The following DENND4C variants were observed in gnomAD, a reference collection of about 807,000 sequenced individuals.
DENND4C encodes DENN domain-containing protein 4C.
DENND4C carries 108 observed loss-of-function variants against 203.0 expected under a neutral mutation model. The ratio of observed to expected loss-of-function variants is 0.53; its 90% CI spans 0.46 to 0.62. DENND4C has a LOEUF of 0.62. DENND4C is among the 20% of genes least tolerant of loss of function. The probability of loss-of-function intolerance (pLI) is 0.00; values close to 1 mark genes in which losing one functional copy is unlikely to be tolerated. For missense variants in DENND4C, 2,481 were observed against 2,301.2 expected, an observed-to-expected ratio of 1.08 and a Z score of -1.60; for synonymous variants, 871 against 792.4, an observed-to-expected ratio of 1.10 and a Z score of -1.67.
Position 19,316,461 on chromosome 9 carries a change from A to T in DENND4C, c.1532A>T (p.Lys511Met), listed in dbSNP as rs1841868163. Residue 511 changes from lysine to methionine, a missense_variant, in exon 11 of 33, where the codon AAG becomes ATG. This residue lies in a region of DENND4C where 2,289 missense variants were observed against 2,113.3 expected (regional missense o/e 1.08). Transcript: ENST00000434457. ...KNMNWKQLPK[K>M]PCKNLLSTLK... ...ATGAACTGGAAGCAACTTCCCAAAA[A>T]GCCGTGCAAAAATCTACTTAGCACC... 6.2e-7 allele frequency: 1 copy of T among 1,613,990 alleles called. No homozygotes were observed. Among genetic ancestry groups the T allele is most frequent in the African/African-American group, 1.3e-5 (1 of 75,058 alleles).
At chr9:19,338,895 G>A (rs1821039663) in intron 20 of DENND4C, among the ~76,000 whole-genome samples, 1 of 152,134 alleles carries the variant, frequency 6.6e-6, no homozygotes, top group Admixed American at 6.5e-5. Flanking sequence ...TACTGCATAT[G>A]TTATTTTATG....
chr9:19,230,612 GCGCGGGCCAGCGCT>G (rs1356131659), upstream of DENND4C: 2 of 152,122 alleles, frequency 1.3e-5, no homozygotes, highest in Non-Finnish European at 2.9e-5. Context: ...GGAGGCACCC[GCGCGGGCCAGCGCT>G]CCGGCCATCG....
intron 2 of DENND4C, among the ~76,000 whole-genome samples, chr9:19,279,245 C>G (rs1415587994): frequency 6.9e-6 from 1 of 144,620 alleles, no homozygotes; most frequent in African/African-American, 2.6e-5. Flanking sequence ...AGGAGAATCA[C>G]TTGAACCCGG....
At chr9:19,241,672 T>C (rs1351910619) in intron 1 of DENND4C, among the ~76,000 whole-genome samples, 1 of 152,086 alleles carries the variant, frequency 6.6e-6, no homozygotes, top group African/African-American at 2.4e-5. Context: ...CTCACGTGGA[T>C]CTGTCTGGAC....
chr9:19,363,240 C>T (rs1018274504), intron 30 of DENND4C, among the ~76,000 whole-genome samples: 18 of 152,138 alleles, frequency 1.2e-4, no homozygotes, highest in Non-Finnish European at 1.5e-4. Context: ...CTTGGCCAGG[C>T]GCAGTGGCTC....
chr9:19,259,510 T>TC (rs1444226215), intron 1 of DENND4C, among the ~76,000 whole-genome samples: 4 of 150,146 alleles, frequency 2.7e-5, no homozygotes, highest in Admixed American at 6.6e-5. Context: ...TTTTTCTTTT[T>TC]TTTTTTTTTT....
intron 10 of DENND4C, 124 bp downstream of exon 10, chr9:19,305,651 C>A: frequency 2.2e-6 from 2 of 909,034 alleles, no homozygotes; most frequent in Non-Finnish European, 1.6e-6. Flanking sequence ...TTAAATACAG[C>A]AGCTCTCAAC....
intron 1 of DENND4C, among the ~76,000 whole-genome samples, chr9:19,273,696 A>G (rs1004621694): frequency 3.3e-5 from 5 of 152,182 alleles, no homozygotes; most frequent in Admixed American, 1.3e-4. Flanking sequence ...ATCAATAGTA[A>G]TTGCAAATTA....
rs1396358850 is a variant in DENND4C at position 19,334,527 on chromosome 9, TTTTTTC to T, written c.2461-444_2461-439del. 2.0e-5 allele frequency among the ~76,000 whole-genome samples: 3 copies of T among 151,522 alleles called. No individual in the cohort carries two copies. The East Asian group carries it at 5.8e-4, about 29-fold the overall frequency. On this transcript the variant is annotated intron_variant, in intron 17 of 32. Coordinates refer to ENST00000434457, the MANE Select transcript of DENND4C (RefSeq NM_001330640.2). The stretch of plus-strand genomic sequence containing the variant: ...TAGGTTTGTTTTTGGGTTTTTTTTT[TTTTTTC>T]TTTTTTTTTTGAGACAGAGTCTCAC...
intron 5 of DENND4C, among the ~76,000 whole-genome samples, chr9:19,293,162 A>G (rs1356732464): frequency 2.0e-5 from 3 of 152,226 alleles, no homozygotes; most frequent in African/African-American, 7.2e-5. Flanking sequence ...ATCTTCAAAC[A>G]TTAGTTACCT....
intron 2 of DENND4C, among the ~76,000 whole-genome samples, chr9:19,283,224 G>T (rs1834483862): frequency 6.6e-6 from 1 of 151,854 alleles, no homozygotes; most frequent in East Asian, 1.9e-4. Context: ...ACACATGTTA[G>T]CCTAGCCCTA....
At chr9:19,258,130 AATCAATCT>A (rs1382672873) in intron 1 of DENND4C, among the ~76,000 whole-genome samples, 3 of 152,054 alleles carry the variant, frequency 2.0e-5, no homozygotes, top group South Asian at 2.1e-4. Context: ...AAAATCAATC[AATCAATCT>A]ATCTATCTAT....
intron 20 of DENND4C, among the ~76,000 whole-genome samples, chr9:19,340,540 G>C (rs1192797020): frequency 2.6e-5 from 4 of 151,970 alleles, no homozygotes; most frequent in African/African-American, 4.8e-5. Flanking sequence ...GCCATACATA[G>C]AGAAGTTTTC....
chr9:19,288,956 A>G (rs769521250), intron 4 of DENND4C, among the ~76,000 whole-genome samples: 3 of 152,234 alleles, frequency 2.0e-5, no homozygotes, highest in Non-Finnish European at 2.9e-5. Context: ...TAACAGTATA[A>G]TGGAAAGTTG....
chr9:19,283,362 G>C (rs1299750425), intron 2 of DENND4C, among the ~76,000 whole-genome samples: 1 of 152,038 alleles, frequency 6.6e-6, no homozygotes, highest in African/African-American at 2.4e-5. Context: ...ACCTCCTGAA[G>C]GACCTGCCTG....
At chr9:19,237,171 C>T (rs1822178572) in intron 1 of DENND4C, among the ~76,000 whole-genome samples, 1 of 152,062 alleles carries the variant, frequency 6.6e-6, no homozygotes, top group Non-Finnish European at 1.5e-5. Flanking sequence ...CAGGCGCGCA[C>T]CACCACGCCC....
chr9:19,309,517 A>G (rs1177088327), intron 10 of DENND4C, among the ~76,000 whole-genome samples: 1 of 152,016 alleles, frequency 6.6e-6, no homozygotes, highest in Non-Finnish European at 1.5e-5. Flanking sequence ...TGTGAATTGT[A>G]TGGTGTATGA....
intron 1 of DENND4C, among the ~76,000 whole-genome samples, chr9:19,263,657 A>ATTTTTTTTTTTTTTT (rs111309104): frequency 1.0e-5 from 1 of 99,320 alleles, no homozygotes; most frequent in East Asian, 3.2e-4. Context: ...TTTTCTTCCC[A>ATTTTTTTTTTTTTTT]TTTTTTTTTT....
chr9:19,250,560 A>T (rs571431242), intron 1 of DENND4C, among the ~76,000 whole-genome samples: 1 of 152,252 alleles, frequency 6.6e-6, no homozygotes, highest in East Asian at 1.9e-4. Context: ...CATTAACTCA[A>T]AAGTCCACAG....
Sources: allele counts gnomAD v4.1 joint callset (sites outside exome capture counted in the v4.1 genomes callset), GRCh38; gene constraint gnomAD v4.1.1; regional missense constraint gnomAD v4.1.1; transcripts MANE v1.5; gene names NCBI Gene and HGNC (gene_info 2026-07-23, HGNC 2026-07-21).